CEP350: variants seen among roughly 807,000 people sequenced by gnomAD.
CEP350 encodes centrosomal protein 350.
A neutral mutation model predicts 331.8 loss-of-function variants in CEP350; 126 were observed. The ratio of observed to expected loss-of-function variants is 0.38; its 90% CI spans 0.33 to 0.44. The LOEUF (loss-of-function observed/expected upper bound fraction) is 0.44. Ranked by LOEUF, CEP350 falls within the 20% of genes least tolerant of loss-of-function variation. CEP350 has a pLI of 1.00. For synonymous variants in CEP350, 1,200 were observed against 1,259.5 expected, an observed-to-expected ratio of 0.95 and a Z score of 1.00; for missense variants, 3,406 against 3,634.6, an observed-to-expected ratio of 0.94 and a Z score of 1.62.
rs759884824 is a variant in CEP350, at chr1:180,031,319, G to A, written c.3551-1G>A. 1.3e-6 allele frequency: 2 copies of A among 1,590,514 alleles called. No homozygotes were observed. The highest frequency in any genetic ancestry group is 8.6e-7 in the Non-Finnish European group (1 of 1,162,238). ...AGCTTTATAAGAAATTTACTTTACA[G>A]GGTTGGATTCATTCACTGGAAATGT... On this transcript the variant is annotated splice_acceptor_variant, in intron 14 of 37. Coordinates refer to ENST00000367607, the MANE Select transcript of CEP350 (RefSeq NM_014810.5). LOFTEE classifies it high-confidence loss of function.
intron 1 of CEP350, among the ~76,000 whole-genome samples, chr1:179,977,230 A>G (rs1045334516): frequency 6.6e-6 from 1 of 152,336 alleles, no homozygotes; most frequent in African/African-American, 2.4e-5. Flanking sequence ...GAAAAGGACT[A>G]GGGGACTATG....
At chr1:180,068,156 CAG>C (rs1423968926) in intron 27 of CEP350, among the ~76,000 whole-genome samples, 15 of 152,132 alleles carry the variant, frequency 9.9e-5, no homozygotes, top group Admixed American at 3.9e-4. Context: ...GATTATATGA[CAG>C]ATATTTTTCT....
intron 27 of CEP350, among the ~76,000 whole-genome samples, chr1:180,071,439 A>C (rs1166890100): frequency 1.3e-5 from 2 of 149,828 alleles, no homozygotes. Context: ...AGTCTGGGCA[A>C]CACGAGTGAA....
intron 29 of CEP350, among the ~76,000 whole-genome samples, chr1:180,080,138 T>G (rs1423185857): frequency 6.6e-6 from 1 of 152,160 alleles, no homozygotes; most frequent in Non-Finnish European, 1.5e-5. Flanking sequence ...GTTTTCTTCT[T>G]CCCTTCCTCT....
Position 180,098,993 on chromosome 1 carries a change from TA to T in CEP350, c.9189+9del, listed in dbSNP as rs1412926999. On this transcript the variant is annotated intron_variant, in intron 37 of 37. Transcript: ENST00000367607. ...CGAGTGGATCATATCCTGGTCAGTG[TA>T]TACAACCAAACTGTTTTTATTTTGA... The T allele has an allele frequency of 3.7e-6, 6 of 1,605,500 alleles. No individual in the cohort carries two copies. The highest frequency in any genetic ancestry group is 5.1e-6 in the Non-Finnish European group (6 of 1,177,092).
At chr1:180,035,697 G>GT (rs1404591556) in intron 16 of CEP350, among the ~76,000 whole-genome samples, 4 of 151,978 alleles carry the variant, frequency 2.6e-5, no homozygotes, top group Admixed American at 6.6e-5. Context: ...TTTTCAAAGT[G>GT]TTTTTTTCAG....
chr1:180,082,767 T>A (rs980760515), intron 30 of CEP350, among the ~76,000 whole-genome samples: 2 of 152,214 alleles, frequency 1.3e-5, no homozygotes, highest in African/African-American at 4.8e-5. Context: ...ATACAATTTT[T>A]AAAAATATTA....
intron 27 of CEP350, 146 bp from the exon 28 acceptor site, chr1:180,074,876 A>G (rs1659124804): frequency 1.7e-6 from 1 of 593,558 alleles, no homozygotes; most frequent in African/African-American, 1.9e-5. Flanking sequence ...AGCTTCTATT[A>G]TCTCAAGCTT....
At chr1:180,033,562 C>T (rs916334793) in intron 15 of CEP350, among the ~76,000 whole-genome samples, 12 of 152,042 alleles carry the variant, frequency 7.9e-5, no homozygotes, top group African/African-American at 2.9e-4. Flanking sequence ...ATGAGTGAAT[C>T]ATAGTATATG....
chr1:180,006,338 G>A lies in CEP350; in HGVS notation c.1133-116G>A, dbSNP rs1050806313. On this transcript the variant is annotated intron_variant, in intron 7 of 37. Transcript: ENST00000367607. ...GGGCCATAGAAGTAGCCTCAGTGTAGGTTTCTTTCTCCCTACCTGCAGCAT... is the reference window on the plus strand; with the variant it reads ...GGGCCATAGAAGTAGCCTCAGTGTAAGTTTCTTTCTCCCTACCTGCAGCAT... The A allele has an allele frequency of 4.8e-5, 30 of 629,604 alleles. No individual in the cohort carries two copies. The South Asian group carries it at 5.5e-4, about 12-fold the overall frequency. The allele number at this position is 629,604 out of a possible 1,614,324, so 39.0% of individuals were successfully genotyped here.
intron 3 of CEP350, among the ~76,000 whole-genome samples, chr1:179,989,344 A>G (rs995137856): frequency 6.6e-6 from 1 of 151,732 alleles, no homozygotes; most frequent in Non-Finnish European, 1.5e-5. Context: ...TTAGCTGGGC[A>G]TGGTGGTGTA....
Position 180,093,745 on chromosome 1 carries a change from A to G in CEP350, c.7640A>G (p.Tyr2547Cys). ...NNNGTYDGIA[Y>C]FECKEKHGIF... ...AATGGAACATATGATGGTATTGCAT[A>G]TTTTGAGTGCAAAGAAAAGCATGGT... The change falls in exon 34 of 38, where the codon TAT (tyrosine) becomes TGT (cysteine). Residue 2547 changes from tyrosine (Y) to cysteine (C), a missense_variant. Transcript: ENST00000367607. 1 of 1,613,996 alleles carries G rather than the reference A, an allele frequency of 6.2e-7. No individual in the cohort carries two copies. Among genetic ancestry groups the G allele is most frequent in the South Asian group, 1.1e-5 (1 of 91,086 alleles).
intron 4 of CEP350, among the ~76,000 whole-genome samples, 157 bp from the exon 5 acceptor site, chr1:179,991,905 A>G (rs12131995): frequency 0.063 from 9,579 of 151,966 alleles, 401 homozygotes; most frequent in African/African-American, 0.13. Context: ...TTTTTCATGT[A>G]CTTATATAAT....
At chr1:179,986,128 A>G (rs1463931086) in intron 1 of CEP350, 41 bp from the exon 2 acceptor site, 23 of 1,429,928 alleles carry the variant, frequency 1.6e-5, no homozygotes, top group East Asian at 2.5e-5. Flanking sequence ...GAAAAGTAAT[A>G]TTATAAGATT....
intron 9 of CEP350, 31 bp downstream of exon 9, chr1:180,012,106 A>G (rs768625333): frequency 2.0e-6 from 3 of 1,512,308 alleles, no homozygotes; most frequent in Non-Finnish European, 2.7e-6. Context: ...TAGTTGAGAA[A>G]ACAATTAAAA....
At position 180,093,592 on chromosome 1, in the gene CEP350, A is replaced by T. The variant is rs752024710; in HGVS notation, c.7487A>T (p.Asp2496Val). The change falls in exon 34 of 38, where the codon GAT becomes GTT. Residue 2496 changes from aspartate to valine, a missense_variant. Asp to Val is a radical substitution (Grantham distance 152). This residue lies in a region of CEP350 where 1,415 missense variants were observed against 1,512.3 expected (regional missense o/e 0.94). Transcript: ENST00000367607. Reference sequence around the variant, plus strand: ...GTTCCTACTGCAGACGAGTTATTTGATTTCCACATTGGTGATAGGGTGTTG... The same window carrying T: ...GTTCCTACTGCAGACGAGTTATTTGTTTTCCACATTGGTGATAGGGTGTTG... ...ASVPTADELF[D>V]FHIGDRVLIG... 4.3e-6 allele frequency: 7 copies of T among 1,613,826 alleles called. No homozygotes were observed. In the East Asian group the frequency reaches 1.3e-4, roughly 31 times the overall value.
chr1:180,072,120 A>T (rs1214828481), intron 27 of CEP350, among the ~76,000 whole-genome samples: 1 of 152,232 alleles, frequency 6.6e-6, no homozygotes. Flanking sequence ...TACACTCCTT[A>T]TATAAGGATG....
rs557226997 is a variant in CEP350 at position 180,001,596 on chromosome 1, G to T, written c.1019-1578G>T. ...TAAATTTGAAGTGGAAAATCAAATG[G>T]TAATTCCTAGGAAATCCCATATGTG... is the stretch of plus-strand genomic sequence containing the variant. On this transcript the variant is annotated intron_variant, in intron 6 of 37. Coordinates refer to ENST00000367607, the MANE Select transcript of CEP350 (RefSeq NM_014810.5). Among the ~76,000 whole-genome samples, 41 of 152,244 alleles carry T rather than the reference G, an allele frequency of 2.7e-4. No homozygotes were observed. The South Asian group carries it at 7.9e-3, about 29-fold the overall frequency.
At chr1:179,973,099 C>G (rs4652457) in intron 1 of CEP350, among the ~76,000 whole-genome samples, 86,303 of 151,748 alleles carry the variant, frequency 0.57, 26,341 homozygotes, top group East Asian at 0.71. Context: ...GATCTCCTGA[C>G]CTCGTGATCC....
Sources: gnomAD v4.1 joint callset for allele counts (sites outside exome capture counted in the v4.1 genomes callset) on GRCh38, gnomAD v4.1.1 for gene constraint, gnomAD v4.1.1 regional missense constraint, MANE v1.5 for transcripts, NCBI Gene and HGNC (gene_info 2026-07-23, HGNC 2026-07-21) for gene names.